DOCK7: variants seen among roughly 807,000 people sequenced by gnomAD.
DOCK7 encodes the protein dedicator of cytokinesis protein 7.
Under a neutral mutation model 271.0 loss-of-function variants are expected in DOCK7, and 138 were observed. The ratio of observed to expected loss-of-function variants is 0.51; its 90% CI spans 0.44 to 0.59. The LOEUF (loss-of-function observed/expected upper bound fraction) is 0.59. Among genes scored for constraint, DOCK7 ranks in the 20% least tolerant of loss-of-function variants. The pLI is 0.00. For synonymous variants in DOCK7, 823 were observed against 876.1 expected, an observed-to-expected ratio of 0.94 and a Z score of 1.07; for missense variants, 2,066 against 2,592.4, an observed-to-expected ratio of 0.80 and a Z score of 4.41.
chr1:62,468,699 A>C (rs917858475), intron 48 of DOCK7, among the ~76,000 whole-genome samples: 72 of 152,180 alleles, frequency 4.7e-4, no homozygotes, highest in African/African-American at 1.5e-3. Flanking sequence ...AGAACTGATA[A>C]ATACATTCAG....
chr1:62,475,237 G>A lies in DOCK7; in HGVS notation c.6076C>T (p.Gln2026Ter). Residue 2026 changes from glutamine (Q) to a stop codon, truncating the protein, a stop_gained, in exon 47 of 50, where the codon CAG (glutamine) becomes TAG (stop). Transcript: ENST00000635253. LOFTEE classifies it high-confidence loss of function. ...ADPKMLQMVL[Q>*]GSVGTTVNQG... ...TTCACTGTGGTGCCTACAGATCCCT[G>A]GAGTACCATCTGAAGCATTTTGGGG... is the stretch of plus-strand genomic sequence containing the variant. 1 of 1,613,876 alleles carries A rather than the reference G, an allele frequency of 6.2e-7. No individual in the cohort carries two copies. Among genetic ancestry groups the A allele is most frequent in the Non-Finnish European group, 8.5e-7 (1 of 1,179,880 alleles).
intron 1 of DOCK7, among the ~76,000 whole-genome samples, chr1:62,684,459 A>C (rs1421929879): frequency 6.6e-6 from 1 of 152,198 alleles, no homozygotes; most frequent in Admixed American, 6.5e-5. Context: ...TCCTCACATT[A>C]ACTTTATTGA....
intron 18 of DOCK7, among the ~76,000 whole-genome samples, chr1:62,567,601 A>G (rs1646563816): frequency 6.6e-6 from 1 of 152,160 alleles, no homozygotes; most frequent in African/African-American, 2.4e-5. Flanking sequence ...AATGTAGGTG[A>G]CAGGTTTATG....
chr1:62,599,210 C>T (rs1649747713), intron 14 of DOCK7, among the ~76,000 whole-genome samples: 1 of 152,020 alleles, frequency 6.6e-6, no homozygotes, highest in Non-Finnish European at 1.5e-5. Flanking sequence ...ACCAAGATTA[C>T]CCAACCCTTC....
intron 14 of DOCK7, among the ~76,000 whole-genome samples, chr1:62,607,475 G>A (rs528925725): frequency 3.3e-5 from 5 of 152,250 alleles, no homozygotes; most frequent in African/African-American, 9.6e-5. Flanking sequence ...CTTCCCCAAA[G>A]ACTGTCTTTA....
At chr1:62,526,246 CA>C (rs1396388204) in intron 31 of DOCK7, among the ~76,000 whole-genome samples, 1 of 152,120 alleles carries the variant, frequency 6.6e-6, no homozygotes, top group Admixed American at 6.5e-5. Context: ...TGACCAATGA[CA>C]AAAGATTTGA....
At chr1:62,684,292 C>T (rs1462133753) in intron 1 of DOCK7, among the ~76,000 whole-genome samples, 1 of 151,818 alleles carries the variant, frequency 6.6e-6, no homozygotes, top group Non-Finnish European at 1.5e-5. Flanking sequence ...GTTTTTAGGC[C>T]TCAATTCCTC....
Position 62,475,748 on chromosome 1 carries a change from G to C in DOCK7, c.5920C>G (p.Pro1974Ala), listed in dbSNP as rs1322626102. Residue 1974 changes from proline to alanine, a missense_variant, in exon 46 of 50, where the codon CCT (proline) becomes GCT (alanine). Pro to Ala is a conservative substitution (Grantham distance 27, BLOSUM62 -1). This residue lies in a region of DOCK7 where 652 missense variants were observed against 922.1 expected (regional missense o/e 0.71). Transcript: ENST00000635253. ...KTILTTSHAF[P>A]YIKTRVNVTH... is the part of the protein sequence containing the mutation. ...ACATTGACCCTTGTTTTAATATAAG[G>C]AAAGGCATGAGACGTAGTCAGAATG... 1 of 1,613,992 alleles carries C rather than the reference G, an allele frequency of 6.2e-7. No individual in the cohort carries two copies. The highest frequency in any genetic ancestry group is 1.1e-5 in the South Asian group (1 of 91,076).
intron 7 of DOCK7, among the ~76,000 whole-genome samples, chr1:62,638,137 G>A (rs985192005): frequency 2.0e-5 from 3 of 151,856 alleles, no homozygotes; most frequent in Non-Finnish European, 2.9e-5. Flanking sequence ...GGATATTTTC[G>A]GTTGGCCCAT....
chr1:62,547,586 T>G (rs1389721166), intron 22 of DOCK7, among the ~76,000 whole-genome samples: 2 of 152,122 alleles, frequency 1.3e-5, no homozygotes, highest in Non-Finnish European at 2.9e-5. Context: ...CACAGTAAGC[T>G]CTCAGTGTTT....
At chr1:62,578,728 A>AC (rs932210125) in intron 17 of DOCK7, 100 bp downstream of exon 17, 4 of 985,366 alleles carry the variant, frequency 4.1e-6, no homozygotes, top group Admixed American at 3.4e-5. Flanking sequence ...AAAAAAAAAA[A>AC]AAAAAAAAAA....
Position 62,577,368 on chromosome 1 carries a change from T to C in DOCK7, c.2011-5A>G, listed in dbSNP as rs1454157075. 3 of 1,550,110 alleles carry C rather than the reference T, an allele frequency of 1.9e-6. No homozygotes were observed. The highest frequency in any genetic ancestry group is 2.5e-5 in the South Asian group (2 of 78,958). ...ATTCTGAAGCATTGGTATCCACTTT[T>C]AAATGAAAAGAAAACAATTTTATTT... On this transcript the variant is annotated splice_region_variant and splice_polypyrimidine_tract_variant and intron_variant, in intron 17 of 49. Transcript: ENST00000635253.
At chr1:62,634,522 A>G (rs932974052) in intron 9 of DOCK7, 3 of 267,700 alleles carry the variant, frequency 1.1e-5, no homozygotes, top group African/African-American at 6.6e-5. Flanking sequence ...TGTATTTATA[A>G]ACTACAATAA....
chr1:62,456,012 C>G (rs750791410), intron 49 of DOCK7, among the ~76,000 whole-genome samples: 1 of 152,136 alleles, frequency 6.6e-6, no homozygotes, highest in Non-Finnish European at 1.5e-5. Context: ...CTGCAAGAAG[C>G]TTTAGGAGAG....
At position 62,461,647 on chromosome 1, in the gene DOCK7, G is replaced by T. The variant is rs150975021; in HGVS notation, c.6213-3942C>A. 4.4e-3 allele frequency among the ~76,000 whole-genome samples: 656 copies of T among 147,606 alleles called. 7 individuals are homozygous for T. The highest frequency in any genetic ancestry group is 0.016 in the African/African-American group (632 of 40,064). On this transcript the variant is annotated intron_variant, in intron 48 of 49. Transcript: ENST00000635253. ...ACACCACTGCACTCACTCCAGCCTG[G>T]GTGACACAGTGAGACCCCATCTCAA...
chr1:62,637,502 CAG>C (rs1655424496), intron 7 of DOCK7, among the ~76,000 whole-genome samples: 1 of 152,134 alleles, frequency 6.6e-6, no homozygotes, highest in South Asian at 2.1e-4. Flanking sequence ...AGTTAGAAGT[CAG>C]AGATATGACT....
intron 33 of DOCK7, chr1:62,511,027 C>T (rs760312515): frequency 6.8e-5 from 13 of 190,586 alleles, no homozygotes; most frequent in South Asian, 4.4e-4. Flanking sequence ...GTTATCCTTG[C>T]GAATCTATCA....
intron 4 of DOCK7, among the ~76,000 whole-genome samples, chr1:62,649,554 C>G (rs1400101676): frequency 1.3e-5 from 2 of 152,130 alleles, no homozygotes; most frequent in African/African-American, 4.8e-5. Flanking sequence ...GTAAGCTGCT[C>G]TGATAAATCA....
intron 3 of DOCK7, 77 bp downstream of exon 3, chr1:62,653,907 T>A: frequency 6.5e-7 from 1 of 1,532,070 alleles, no homozygotes; most frequent in Admixed American, 1.9e-5. Flanking sequence ...CTATAAGAAG[T>A]AGGCTCTAAA....
Sources: gnomAD v4.1 joint callset for allele counts (sites outside exome capture counted in the v4.1 genomes callset) on GRCh38, gnomAD v4.1.1 for gene constraint, gnomAD v4.1.1 regional missense constraint, MANE v1.5 for transcripts, NCBI Gene and HGNC (gene_info 2026-07-23, HGNC 2026-07-21) for gene names.